CBFA2T3: variants seen among roughly 807,000 people sequenced by gnomAD.
The protein encoded by CBFA2T3 is transcriptional corepressor CBFA2T3.
A neutral mutation model predicts 58.6 loss-of-function variants in CBFA2T3; 31 were observed. The ratio of observed to expected loss-of-function variants is 0.53; its 90% CI spans 0.40 to 0.71. CBFA2T3 has a LOEUF of 0.71. Ranked by LOEUF, CBFA2T3 falls within the 30% of genes least tolerant of loss-of-function variation. CBFA2T3 has a pLI of 0.00. For missense variants in CBFA2T3, 1,076 were observed against 963.1 expected, an observed-to-expected ratio of 1.12 and a Z score of -1.55; for synonymous variants, 531 against 421.9, an observed-to-expected ratio of 1.26 and a Z score of -3.17.
At chr16:88,915,081 A>G (rs1435049242) in intron 1 of CBFA2T3, among the ~76,000 whole-genome samples, 12 of 151,338 alleles carry the variant, frequency 7.9e-5, no homozygotes, top group African/African-American at 2.7e-4. Flanking sequence ...TCCTGGGGGT[A>G]GCGGGTCCCT....
At chr16:88,932,597 T>C (rs1223891811) in intron 1 of CBFA2T3, among the ~76,000 whole-genome samples, 2 of 151,452 alleles carry the variant, frequency 1.3e-5, no homozygotes, top group Non-Finnish European at 2.9e-5. Context: ...CAGTGAGCCA[T>C]GATCGCACCA....
At chr16:88,928,977 G>C (rs1222629058) in intron 1 of CBFA2T3, among the ~76,000 whole-genome samples, 1 of 152,238 alleles carries the variant, frequency 6.6e-6, no homozygotes, top group Non-Finnish European at 1.5e-5. Context: ...TGGTGGAAGG[G>C]AGGGGAGTTT....
At chr16:88,878,281 C>T (rs935957345) in intron 11 of CBFA2T3, among the ~76,000 whole-genome samples, 4 of 152,252 alleles carry the variant, frequency 2.6e-5, no homozygotes, top group East Asian at 3.8e-4. Context: ...GGTGGTCTAG[C>T]TTCTCCCTAG....
At chr16:88,882,152 AC>A (rs1969111314) in intron 8 of CBFA2T3, among the ~76,000 whole-genome samples, 1 of 152,142 alleles carries the variant, frequency 6.6e-6, no homozygotes, top group African/African-American at 2.4e-5. Context: ...CAGGTGAAGG[AC>A]CCAGCCGCTG....
intron 3 of CBFA2T3, among the ~76,000 whole-genome samples, chr16:88,894,084 A>G (rs1969763569): frequency 6.6e-6 from 1 of 152,100 alleles, no homozygotes; most frequent in Non-Finnish European, 1.5e-5. Context: ...AAAGGGTACC[A>G]ACTCCCCTGC....
At chr16:88,882,050 G>A (rs116526328) in intron 8 of CBFA2T3, among the ~76,000 whole-genome samples, 1,618 of 152,370 alleles carry the variant, frequency 0.011, 26 homozygotes, top group African/African-American at 0.037. Flanking sequence ...TAAGTGGAGG[G>A]AAGCAAGGCC....
intron 1 of CBFA2T3, chr16:88,951,243 G>A (rs906768695): frequency 1.6e-5 from 7 of 442,876 alleles, no homozygotes; most frequent in African/African-American, 1.3e-4. Context: ...GAGGGTCAGA[G>A]TGTTGGCACC....
At chr16:88,929,418 A>G (rs1420407269) in intron 1 of CBFA2T3, among the ~76,000 whole-genome samples, 1 of 152,206 alleles carries the variant, frequency 6.6e-6, no homozygotes, top group Non-Finnish European at 1.5e-5. Context: ...TTTCTTGATA[A>G]TTTATCCCTT....
intron 1 of CBFA2T3, among the ~76,000 whole-genome samples, chr16:88,910,857 G>C (rs141157875): frequency 0.012 from 1,897 of 151,966 alleles, 8 homozygotes; most frequent in East Asian, 0.021. Flanking sequence ...CTCGTATCCA[G>C]ATGACCAGGA....
chr16:88,899,214 G>A (rs995062001), intron 2 of CBFA2T3, among the ~76,000 whole-genome samples: 2 of 152,160 alleles, frequency 1.3e-5, no homozygotes, highest in Non-Finnish European at 2.9e-5. Context: ...AGTCCCCGGG[G>A]AGGAGCCTCC....
chr16:88,916,253 T>C (rs1432660263), intron 1 of CBFA2T3, among the ~76,000 whole-genome samples: 2 of 151,978 alleles, frequency 1.3e-5, no homozygotes, highest in East Asian at 3.9e-4. Context: ...TGTGTATTCA[T>C]GCGTGTGCAT....
chr16:88,901,617 T>C lies in CBFA2T3; in HGVS notation c.191A>G (p.Asp64Gly). 2 of 1,523,912 alleles carry C rather than the reference T, an allele frequency of 1.3e-6. No individual in the cohort carries two copies. Among genetic ancestry groups the C allele is most frequent in the Middle Eastern group, 1.7e-4 (1 of 5,824 alleles). The allele number at this position is 1,523,912 out of a possible 1,614,324, so 94.4% of individuals were successfully genotyped here. A position where few individuals can be genotyped will look rare whatever the true frequency, so the allele number is the denominator to read the frequency against. The change falls in exon 2 of 12, where the codon GAC becomes GGC. Residue 64 changes from aspartate to glycine, a missense_variant. Transcript: ENST00000268679. The stretch of plus-strand genomic sequence containing the variant: ...CTGCGTCTTCACCTCCGCTGGGGAG[T>C]CCGGCATCGCTGAGGCCTTAGCTTT... ...DRKAKASAMP[D>G]SPAEVKTQPR...
At chr16:88,932,972 G>A (rs1485294454) in intron 1 of CBFA2T3, among the ~76,000 whole-genome samples, 5 of 151,590 alleles carry the variant, frequency 3.3e-5, no homozygotes, top group Non-Finnish European at 5.9e-5. Context: ...GTGTCTGGGG[G>A]AAAAAAAGAA....
At chr16:88,892,149 C>T in intron 4 of CBFA2T3, 95 bp downstream of exon 4, 4 of 1,479,164 alleles carry the variant, frequency 2.7e-6, no homozygotes, top group Non-Finnish European at 2.8e-6. Context: ...CGGTTGTCAG[C>T]GTGGAGCCCA....
intron 1 of CBFA2T3, among the ~76,000 whole-genome samples, chr16:88,905,672 G>A (rs921967747): frequency 1.4e-5 from 2 of 145,620 alleles, no homozygotes; most frequent in Non-Finnish European, 3.0e-5. Context: ...AGGGGAGGTG[G>A]GGCTGAAGGA....
intron 1 of CBFA2T3, among the ~76,000 whole-genome samples, chr16:88,959,837 C>T (rs1336250746): frequency 6.6e-6 from 1 of 152,086 alleles, no homozygotes; most frequent in Non-Finnish European, 1.5e-5. Context: ...ACCAGCCTAG[C>T]CAACATGGTG....
At chr16:88,923,072 T>C (rs1173256389) in intron 1 of CBFA2T3, among the ~76,000 whole-genome samples, 2 of 152,144 alleles carry the variant, frequency 1.3e-5, no homozygotes, top group Admixed American at 6.5e-5. Flanking sequence ...TCCCACCAGG[T>C]CCCTCCAAAT....
At chr16:88,945,990 T>C (rs1971891979) in intron 1 of CBFA2T3, among the ~76,000 whole-genome samples, 1 of 152,128 alleles carries the variant, frequency 6.6e-6, no homozygotes, top group Non-Finnish European at 1.5e-5. Flanking sequence ...ATGACAAAAG[T>C]AGTGAGCTAT....
chr16:88,896,093 T>C (rs529022601), intron 3 of CBFA2T3, among the ~76,000 whole-genome samples: 121 of 152,280 alleles, frequency 7.9e-4, no homozygotes, highest in African/African-American at 2.8e-3. Flanking sequence ...ACTGGTTTTA[T>C]GGGTCGGGTG....
Sources: allele counts gnomAD v4.1 joint callset (sites outside exome capture counted in the v4.1 genomes callset), GRCh38; gene constraint gnomAD v4.1.1; transcripts MANE v1.5; gene names NCBI Gene and HGNC (gene_info 2026-07-23, HGNC 2026-07-21).